TMPRSS2: variants seen among roughly 807,000 people sequenced by gnomAD.
TMPRSS2 encodes transmembrane protease serine 2.
In TMPRSS2, 59 loss-of-function variants were observed where a neutral mutation model predicts 67.4. The ratio of observed to expected loss-of-function variants is 0.88; its 90% CI spans 0.71 to 1.09. The LOEUF (loss-of-function observed/expected upper bound fraction) is 1.09, where lower values mean the gene tolerates loss of function less well. Among genes scored for constraint, TMPRSS2 ranks in the 50% least tolerant of loss-of-function variants. The pLI, the probability that TMPRSS2 is intolerant of heterozygous loss-of-function variation, is 0.00. For synonymous variants in TMPRSS2, 257 were observed against 257.0 expected, an observed-to-expected ratio of 1.00 and a Z score of 0.00; for missense variants, 668 against 642.7, an observed-to-expected ratio of 1.04 and a Z score of -0.43.
At chr21:41,504,485 G>A (rs756657861) in intron 1 of TMPRSS2, among the ~76,000 whole-genome samples, 7 of 152,254 alleles carry the variant, frequency 4.6e-5, no homozygotes, top group Non-Finnish European at 7.4e-5. Context: ...CCCAACCAGC[G>A]CATTTCCACT....
At chr21:41,468,165 G>T in intron 12 of TMPRSS2, 1 of 621,212 alleles carries the variant, frequency 1.6e-6, no homozygotes, top group South Asian at 2.1e-5. Context: ...CTGTTCCACT[G>T]GCACTTTTAC....
chr21:41,504,277 C>T (rs752580896), intron 1 of TMPRSS2, among the ~76,000 whole-genome samples: 11 of 152,206 alleles, frequency 7.2e-5, no homozygotes, highest in Non-Finnish European at 1.3e-4. Context: ...GTGCCCTAAA[C>T]TCCTCCTGCC....
chr21:41,498,946 G>A (rs2091404994), intron 1 of TMPRSS2, among the ~76,000 whole-genome samples: 1 of 151,754 alleles, frequency 6.6e-6, no homozygotes, highest in Non-Finnish European at 1.5e-5. Context: ...GGAAGAGCAG[G>A]TGCAATCAGA....
intron 5 of TMPRSS2, among the ~76,000 whole-genome samples, chr21:41,484,215 C>G (rs2091279413): frequency 6.6e-6 from 1 of 152,184 alleles, no homozygotes; most frequent in South Asian, 2.1e-4. Context: ...ACATGTCCAC[C>G]ACGTCACATA....
At chr21:41,494,743 T>C in intron 2 of TMPRSS2, 165 bp from the exon 3 acceptor site, 1 of 767,516 alleles carries the variant, frequency 1.3e-6, no homozygotes, top group South Asian at 1.5e-5. Flanking sequence ...ACTTGTACAG[T>C]TAGAGATTAA....
At chr21:41,503,321 G>A (rs947006942) in intron 1 of TMPRSS2, among the ~76,000 whole-genome samples, 8 of 152,130 alleles carry the variant, frequency 5.3e-5, no homozygotes, top group African/African-American at 1.7e-4. Flanking sequence ...CACTCCAGGC[G>A]GAGACTTCAA....
At chr21:41,467,385 T>C (rs1469924177) in intron 13 of TMPRSS2, among the ~76,000 whole-genome samples, 1 of 140,394 alleles carries the variant, frequency 7.1e-6, no homozygotes, top group Non-Finnish European at 1.5e-5. Context: ...TGAGACTCCA[T>C]CTCAAAAAAA....
At chr21:41,476,550 C>G in intron 8 of TMPRSS2, 27 bp downstream of exon 8, 1 of 1,609,558 alleles carries the variant, frequency 6.2e-7, no homozygotes, top group Non-Finnish European at 8.5e-7. Flanking sequence ...TTAGAAGTAT[C>G]AAAAGGGGGA....
At chr21:41,476,870 A>G (rs925543049) in intron 7 of TMPRSS2, among the ~76,000 whole-genome samples, 3 of 152,216 alleles carry the variant, frequency 2.0e-5, no homozygotes, top group Non-Finnish European at 2.9e-5. Flanking sequence ...AACCTCTCTT[A>G]AAATTGTACC....
chr21:41,486,245 C>T (rs1338409937), intron 5 of TMPRSS2, among the ~76,000 whole-genome samples: 2 of 152,186 alleles, frequency 1.3e-5, no homozygotes, highest in Admixed American at 6.5e-5. Flanking sequence ...TGAGAGCACA[C>T]ACCACCACCA....
chr21:41,470,817 G>C, intron 10 of TMPRSS2, 74 bp from the exon 11 acceptor site: 2 of 1,269,360 alleles, frequency 1.6e-6, no homozygotes, highest in Non-Finnish European at 2.2e-6. Context: ...CCCACATGCA[G>C]GCTGCTGGGC....
Position 41,479,152 on chromosome 21 carries a change from A to C in TMPRSS2, c.683+20T>G. On this transcript the variant is annotated intron_variant, in intron 7 of 13. Coordinates refer to ENST00000332149, the MANE Select transcript of TMPRSS2 (RefSeq NM_005656.4). ...AGTTGATTTCATTCCAAAATTTTTC[A>C]AGAAGAAATTGCTGCATACCTGTGG... 1 of 1,594,702 alleles carries C rather than the reference A, an allele frequency of 6.3e-7. No individual in the cohort carries two copies. Among genetic ancestry groups the C allele is most frequent in the Non-Finnish European group, 8.6e-7 (1 of 1,164,756 alleles).
chr21:41,502,339 C>A (rs1311147546), intron 1 of TMPRSS2: 2 of 976,354 alleles, frequency 2.0e-6, no homozygotes, highest in African/African-American at 3.5e-5. Context: ...ACCCAAGATC[C>A]AGGGGTATTC....
intron 3 of TMPRSS2, among the ~76,000 whole-genome samples, chr21:41,493,577 C>T (rs1049345253): frequency 1.3e-5 from 2 of 152,194 alleles, no homozygotes; most frequent in Admixed American, 6.5e-5. Context: ...AATAAAAGCA[C>T]TATCAATTAA....
At chr21:41,473,243 A>T in intron 9 of TMPRSS2, 82 bp downstream of exon 9, 1 of 1,428,832 alleles carries the variant, frequency 7.0e-7, no homozygotes, top group Non-Finnish European at 9.4e-7. Flanking sequence ...CGGGGCTGCA[A>T]GGGTTGAGAC....
chr21:41,475,971 C>T (rs1378267243), intron 8 of TMPRSS2, among the ~76,000 whole-genome samples: 1 of 152,098 alleles, frequency 6.6e-6, no homozygotes, highest in African/African-American at 2.4e-5. Flanking sequence ...AGGACCACGG[C>T]CCCACGACAG....
At chr21:41,500,220 C>T (rs1267266677) in intron 1 of TMPRSS2, among the ~76,000 whole-genome samples, 1 of 152,242 alleles carries the variant, frequency 6.6e-6, no homozygotes, top group Non-Finnish European at 1.5e-5. Flanking sequence ...ATAATAGTAA[C>T]ACCTACCTCC....
intron 2 of TMPRSS2, among the ~76,000 whole-genome samples, chr21:41,497,526 A>G (rs1423875070): frequency 6.6e-6 from 1 of 152,226 alleles, no homozygotes; most frequent in Non-Finnish European, 1.5e-5. Context: ...TAAAAAATGA[A>G]TATCAGTAAC....
At chr21:41,485,654 A>G (rs1475745098) in intron 5 of TMPRSS2, among the ~76,000 whole-genome samples, 3 of 21,776 alleles carry the variant, frequency 1.4e-4, no homozygotes, top group African/African-American at 2.7e-4. Flanking sequence ...GTCTCCAGGA[A>G]AAAAAAAAAA....
Sources: allele counts gnomAD v4.1 joint callset (sites outside exome capture counted in the v4.1 genomes callset), GRCh38; gene constraint gnomAD v4.1.1; transcripts MANE v1.5; gene names NCBI Gene and HGNC (gene_info 2026-07-23, HGNC 2026-07-21).